Variants in JAK2 observed in about 807,000 individuals in gnomAD.
JAK2 encodes the protein Janus kinase 2.
In JAK2, 86 loss-of-function variants were observed where a neutral mutation model predicts 139.3. The observed-to-expected ratio is 0.62, with a 90% CI of 0.52 to 0.74. The LOEUF is 0.74. JAK2 is among the 30% of genes least tolerant of loss of function. The pLI, the probability that JAK2 is intolerant of heterozygous loss-of-function variation, is 0.00. For synonymous variants in JAK2, 490 were observed against 437.7 expected, an observed-to-expected ratio of 1.12 and a Z score of -1.49; for missense variants, 1,421 against 1,360.3, an observed-to-expected ratio of 1.04 and a Z score of -0.70.
At chr9:5,061,727 C>T (rs527363137) in intron 8 of JAK2, among the ~76,000 whole-genome samples, 8 of 152,316 alleles carry the variant, frequency 5.3e-5, no homozygotes, top group South Asian at 2.1e-4. Context: ...TTCAGTTTCC[C>T]TCAAGGACTT....
rs748428706 is a variant in JAK2, at chr9:5,128,166, A to C, written c.*1375A>C. Reference sequence around the variant, plus strand: ...ATACTTGCTGTTTTGATTAAAAAGAAAATAGTTTCTTACTTTATTTTTACT... The same window carrying C: ...ATACTTGCTGTTTTGATTAAAAAGACAATAGTTTCTTACTTTATTTTTACT... On this transcript the variant is annotated 3_prime_UTR_variant, in exon 25 of 25. Transcript: ENST00000381652. 20 of 232,034 alleles carry C rather than the reference A, an allele frequency of 8.6e-5. No homozygotes were observed. Among genetic ancestry groups the C allele is most frequent in the Non-Finnish European group, 1.4e-4 (17 of 117,382 alleles). The allele number at this position is 232,034 out of a possible 1,614,324, so 14.4% of individuals were successfully genotyped here.
chr9:5,039,490 A>G (rs1268250341), intron 4 of JAK2, among the ~76,000 whole-genome samples: 2 of 152,172 alleles, frequency 1.3e-5, no homozygotes, highest in East Asian at 1.9e-4. Context: ...GAGTATTTGC[A>G]GATTTTGGTA....
intron 19 of JAK2, among the ~76,000 whole-genome samples, chr9:5,087,682 A>C (rs1264984603): frequency 6.6e-6 from 1 of 152,212 alleles, no homozygotes; most frequent in Admixed American, 6.5e-5. Flanking sequence ...GGATGTGATA[A>C]AATATACATT....
chr9:5,110,629 A>G (rs1329437533), intron 22 of JAK2: 4 of 199,892 alleles, frequency 2.0e-5, no homozygotes, highest in Non-Finnish European at 4.1e-5. Context: ...ACAGGCTTTT[A>G]CTCTAAAGAC....
chr9:5,032,587 C>T (rs200500753), intron 4 of JAK2, among the ~76,000 whole-genome samples: 1 of 152,220 alleles, frequency 6.6e-6, no homozygotes, highest in South Asian at 2.1e-4. Flanking sequence ...TTGCTGCTCA[C>T]CAATATCCGC....
At chr9:5,037,596 C>CT (rs981770448) in intron 4 of JAK2, among the ~76,000 whole-genome samples, 20 of 152,126 alleles carry the variant, frequency 1.3e-4, no homozygotes, top group Admixed American at 3.9e-4. Flanking sequence ...TCTCAGCAAA[C>CT]TATCGCAAGG....
intron 16 of JAK2, 58 bp from the exon 17 acceptor site, chr9:5,080,171 T>A: frequency 7.8e-7 from 1 of 1,286,022 alleles, no homozygotes; most frequent in South Asian, 1.5e-5. Context: ...TATTTACATA[T>A]AAAAGATTGG....
At chr9:5,068,580 G>T (rs896615106) in intron 10 of JAK2, among the ~76,000 whole-genome samples, 3 of 152,204 alleles carry the variant, frequency 2.0e-5, no homozygotes, top group African/African-American at 7.2e-5. Context: ...ATCAAGGCAT[G>T]AAGCAGCATG....
At chr9:5,091,931 G>T (rs1438234379) in intron 22 of JAK2, among the ~76,000 whole-genome samples, 1 of 152,094 alleles carries the variant, frequency 6.6e-6, no homozygotes, top group Non-Finnish European at 1.5e-5. Flanking sequence ...GAGTGGTATA[G>T]TTGTTTGGGG....
chr9:5,121,200 A>T (rs1413850709), intron 22 of JAK2, among the ~76,000 whole-genome samples: 1 of 152,166 alleles, frequency 6.6e-6, no homozygotes, highest in African/African-American at 2.4e-5. Context: ...CAATTTTATG[A>T]TTGAGTAAGC....
chr9:5,069,174 C>T lies in JAK2; in HGVS notation c.1479C>T (p.Phe493=), dbSNP rs2130523419. 1 of 1,609,144 alleles carries T rather than the reference C, an allele frequency of 6.2e-7. No individual in the cohort carries two copies. Among genetic ancestry groups the T allele is most frequent in the East Asian group, 2.2e-5 (1 of 44,708 alleles). ...METVRSDNII[F]QFTKCCPPKP... ...CTGTTCGCTCAGACAATATAATTTTCCAGTTTACTAAATGCTGTCCCCCAA... is the reference window on the plus strand; with the variant it reads ...CTGTTCGCTCAGACAATATAATTTTTCAGTTTACTAAATGCTGTCCCCCAA... Residue 493 remains phenylalanine (F), a synonymous_variant, in exon 11 of 25, where the codon TTC becomes TTT. Coordinates refer to ENST00000381652, the MANE Select transcript of JAK2 (RefSeq NM_004972.4).
chr9:5,020,654 G>T (rs1404129555), intron 2 of JAK2, among the ~76,000 whole-genome samples: 1 of 152,188 alleles, frequency 6.6e-6, no homozygotes, highest in Non-Finnish European at 1.5e-5. Flanking sequence ...TTGACACCTA[G>T]CGGCAGCAGC....
At chr9:5,111,225 C>T (rs112178036) in intron 22 of JAK2, 2 of 311,860 alleles carry the variant, frequency 6.4e-6, no homozygotes, top group Non-Finnish European at 5.7e-6. Context: ...GCAGCTAGCG[C>T]GGGCCTATTC....
intron 6 of JAK2, among the ~76,000 whole-genome samples, chr9:5,052,777 C>G (rs74361750): frequency 0.016 from 2,493 of 152,086 alleles, 39 homozygotes; most frequent in South Asian, 0.069. Flanking sequence ...GCTTCTTTCA[C>G]TTAATATGAT....
At chr9:5,057,061 C>T (rs952500110) in intron 8 of JAK2, among the ~76,000 whole-genome samples, 2 of 152,094 alleles carry the variant, frequency 1.3e-5, no homozygotes, top group African/African-American at 2.4e-5. Context: ...ATTTCTTTCT[C>T]ATATTAAATT....
In JAK2 at chr9:5,090,864, C is replaced by G; in HGVS notation, c.3012C>G (p.Asp1004Glu). 1 of 1,612,584 alleles carries G rather than the reference C, an allele frequency of 6.2e-7. No homozygotes were observed. The highest frequency in any genetic ancestry group is 1.7e-4 in the Middle Eastern group (1 of 6,028). The change falls in exon 22 of 25, where the codon GAC (aspartate) becomes GAG (glutamate). Residue 1004 changes from aspartate (D) to glutamate (E), a missense_variant. Transcript: ENST00000381652. ...GGTTAACCAAAGTCTTGCCACAAGA[C>G]AAAGAATACTATAAAGTAAAAGAAC... ...DFGLTKVLPQ[D>E]KEYYKVKEPG...
At chr9:5,070,843 T>C (rs1389069933) in intron 12 of JAK2, among the ~76,000 whole-genome samples, 1 of 152,088 alleles carries the variant, frequency 6.6e-6, no homozygotes, top group Non-Finnish European at 1.5e-5. Context: ...GCCACATTTA[T>C]CAAGGGGGTT....
chr9:5,108,007 A>T lies in JAK2; in HGVS notation c.3060-14997A>T, dbSNP rs376662721. The T allele has an allele frequency of 1.2e-4, 18 of 152,228 alleles. No individual in the cohort carries two copies. The East Asian group carries it at 2.5e-3, about 21-fold the overall frequency. 9.4% of individuals were successfully genotyped at this position (152,228 alleles called of 1,614,324 possible). A position where few individuals can be genotyped will look rare whatever the true frequency, so the allele number is the denominator to read the frequency against. ...TTCTATAATCTGAATTAACATGACC[A>T]TCCACAGCCTACTTATCAGCCTCAT... On this transcript the variant is annotated intron_variant, in intron 22 of 24. Coordinates refer to ENST00000381652, the MANE Select transcript of JAK2 (RefSeq NM_004972.4).
intron 10 of JAK2, among the ~76,000 whole-genome samples, chr9:5,067,919 C>G (rs968069815): frequency 1.2e-4 from 18 of 151,946 alleles, no homozygotes; most frequent in Admixed American, 3.3e-4. Context: ...TTTAGGAGGC[C>G]AAGGCGGGTG....
Sources: allele counts gnomAD v4.1 joint callset (sites outside exome capture counted in the v4.1 genomes callset), GRCh38; gene constraint gnomAD v4.1.1; transcripts MANE v1.5; gene names NCBI Gene and HGNC (gene_info 2026-07-23, HGNC 2026-07-21).